The following LRATD1 variants were observed in gnomAD, a reference collection of about 807,000 sequenced individuals.
LRATD1 encodes protein LRATD1.
A neutral mutation model predicts 21.3 loss-of-function variants in LRATD1; 8 were observed. The observed-to-expected ratio is 0.38, with a 90% CI of 0.22 to 0.68. LRATD1 has a LOEUF of 0.68. Ranked by LOEUF, LRATD1 falls within the 30% of genes least tolerant of loss-of-function variation. The pLI is 0.54. For synonymous variants in LRATD1, 210 were observed against 186.2 expected, an observed-to-expected ratio of 1.13 and a Z score of -1.04; for missense variants, 380 against 404.0, an observed-to-expected ratio of 0.94 and a Z score of 0.51.
chr2:14,634,365 T>G lies in LRATD1; in HGVS notation c.386T>G (p.Leu129Arg), dbSNP rs1356905557. The G allele has an allele frequency of 3.8e-6, 6 of 1,573,374 alleles. No homozygotes were observed. The highest frequency in any genetic ancestry group is 5.2e-6 in the Non-Finnish European group (6 of 1,161,454). ...GAACCCGGCGACCTGCTGGAGCTGC[T>G]GTGGCTGCAGCCCGCGCCGGAGCCG... is the stretch of plus-strand genomic sequence containing the variant. ...LCEPGDLLELLWLQPAPEPPA... is the reference protein window; with the variant it reads ...LCEPGDLLELRWLQPAPEPPA... The change falls in exon 2 of 2, where the codon CTG becomes CGG. Residue 129 changes from leucine (L) to arginine (R), a missense_variant. Transcript: ENST00000295092.
In LRATD1 at chr2:14,638,471, G is replaced by GTC. The variant is rs1324765166; in HGVS notation, c.*3614_*3615insCT. On this transcript the variant is annotated 3_prime_UTR_variant, in exon 2 of 2. Transcript: ENST00000295092. ...TTCCCCTATGTTTAATTTTTCTGTG[G>GTC]TGAACACTTTTGTTAGAACATGGCT... The GTC allele has an allele frequency of 6.0e-6, 1 of 166,800 alleles. No individual in the cohort carries two copies. Among genetic ancestry groups the GTC allele is most frequent in the African/African-American group, 2.4e-5 (1 of 41,384 alleles). The allele number at this position is 166,800 out of a possible 1,614,324, so 10.3% of individuals were successfully genotyped here. A position where few individuals can be genotyped will look rare whatever the true frequency, so the allele number is the denominator to read the frequency against.
At position 14,635,015 on chromosome 2, in the gene LRATD1, C is replaced by A; in HGVS notation, c.*157C>A. ...GGGCCCGGGCTGCACCCCCGCATCC[C>A]CAAGCCAGCGGCAGGAAGTCTCAGG... On this transcript the variant is annotated 3_prime_UTR_variant, in exon 2 of 2. Transcript: ENST00000295092. The A allele has an allele frequency of 9.4e-7, 1 of 1,065,386 alleles. No homozygotes were observed. Among genetic ancestry groups the A allele is most frequent in the Non-Finnish European group, 1.4e-6 (1 of 718,350 alleles). 66.0% of individuals were successfully genotyped at this position (1,065,386 alleles called of 1,614,324 possible). A position where few individuals can be genotyped will look rare whatever the true frequency, so the allele number is the denominator to read the frequency against.
chr2:14,633,605 T>C lies in LRATD1; in HGVS notation c.-36-339T>C. Reference sequence around the variant, plus strand: ...TTTCAGCCCACCCCTCGGTCCTTCCTGGGTGTCCGTCTCCCACACTGCCAC... The same window carrying C: ...TTTCAGCCCACCCCTCGGTCCTTCCCGGGTGTCCGTCTCCCACACTGCCAC... On this transcript the variant is annotated intron_variant, in intron 1 of 1. Transcript: ENST00000295092. This position sits in a 1 kb window ranked among gnomAD's most constrained non-coding sequence, Gnocchi z 7.5. The C allele has an allele frequency of 4.3e-6, 1 of 232,984 alleles. No individual in the cohort carries two copies. Among genetic ancestry groups the C allele is most frequent in the Non-Finnish European group, 8.4e-6 (1 of 118,550 alleles). 14.4% of individuals were successfully genotyped at this position (232,984 alleles called of 1,614,324 possible).
At position 14,636,151 on chromosome 2, in the gene LRATD1, TTC is replaced by T. The variant is rs1407285471; in HGVS notation, c.*1295_*1296del. 5.7e-6 allele frequency: 1 copy of T among 174,822 alleles called. No individual in the cohort carries two copies. Among genetic ancestry groups the T allele is most frequent in the African/African-American group, 2.4e-5 (1 of 41,472 alleles). 10.8% of individuals were successfully genotyped at this position (174,822 alleles called of 1,614,324 possible). On this transcript the variant is annotated 3_prime_UTR_variant, in exon 2 of 2. Coordinates refer to ENST00000295092, the MANE Select transcript of LRATD1 (RefSeq NM_145175.4). ...CTATTTTTCTCAGATATTGTAAGCA[TTC>T]TGTTTTTCAATATTGTAGTTAATTT...
Position 14,634,966 on chromosome 2 carries a change from A to C in LRATD1, c.*108A>C. The C allele has an allele frequency of 7.2e-7, 1 of 1,391,142 alleles. No homozygotes were observed. The highest frequency in any genetic ancestry group is 9.7e-7 in the Non-Finnish European group (1 of 1,035,928). The allele number at this position is 1,391,142 out of a possible 1,614,324, so 86.2% of individuals were successfully genotyped here. A position where few individuals can be genotyped will look rare whatever the true frequency, so the allele number is the denominator to read the frequency against. On this transcript the variant is annotated 3_prime_UTR_variant, in exon 2 of 2. Coordinates refer to ENST00000295092, the MANE Select transcript of LRATD1 (RefSeq NM_145175.4). ...TTCTCAACCTCTGCCCCGCCCCGCC[A>C]CGCGCGTCCGCCGCCGGTGGCCCGG...
At chr2:14,645,347 C>A (rs10803752) in intron 2 of LRATD1, among the ~76,000 whole-genome samples, 5 of 152,080 alleles carry the variant, frequency 3.3e-5, no homozygotes, top group African/African-American at 1.2e-4. Flanking sequence ...ATAAGTTTGC[C>A]AAAATATCCA....
Position 14,633,208 on chromosome 2 carries a change from AGTGCACCTGCCTGTGAGGGCAG to A in LRATD1, c.-37+275_-37+296del, listed in dbSNP as rs1671595462. Among the ~76,000 whole-genome samples the A allele has an allele frequency of 1.3e-5, 2 of 152,156 alleles. No individual in the cohort carries two copies. The highest frequency in any genetic ancestry group is 4.1e-4 in the South Asian group (2 of 4,834). Reference sequence around the variant, plus strand: ...ACAAGGCAAGAGAAGTAAGGGGCAGAGTGCACCTGCCTGTGAGGGCAGGTGTGCCCGGGTGCTTGGGCGTACG... The same window carrying A: ...ACAAGGCAAGAGAAGTAAGGGGCAGAGTGTGCCCGGGTGCTTGGGCGTACG... On this transcript the variant is annotated intron_variant, in intron 1 of 1. Coordinates refer to ENST00000295092, the MANE Select transcript of LRATD1 (RefSeq NM_145175.4). This position sits in a 1 kb window ranked among gnomAD's most constrained non-coding sequence, Gnocchi z 7.5.
rs1671713285 is a variant in LRATD1 at position 14,637,480 on chromosome 2, G to A, written c.*2622G>A. 6.0e-6 allele frequency: 1 copy of A among 166,884 alleles called. No individual in the cohort carries two copies. Among genetic ancestry groups the A allele is most frequent in the African/African-American group, 2.4e-5 (1 of 41,426 alleles). 10.3% of individuals were successfully genotyped at this position (166,884 alleles called of 1,614,324 possible). A position where few individuals can be genotyped will look rare whatever the true frequency, so the allele number is the denominator to read the frequency against. On this transcript the variant is annotated 3_prime_UTR_variant, in exon 2 of 2. Coordinates refer to ENST00000295092, the MANE Select transcript of LRATD1 (RefSeq NM_145175.4). ...TAAATTAGCATTTGTTACTATATTG[G>A]CCTATAAAGGATCAGGTTGATGATA...
chr2:14,648,027 T>G lies in LRATD1; in HGVS notation n.437-1289T>G, dbSNP rs1213388674. Reference sequence around the variant, plus strand: ...TCCCAATGCTTACAGTTAACTTCTCTGCCCTTTCAACTGAAAACTCTATTG... The same window carrying G: ...TCCCAATGCTTACAGTTAACTTCTCGGCCCTTTCAACTGAAAACTCTATTG... On this transcript the variant is annotated intron_variant and non_coding_transcript_variant, in intron 4 of 5. Coordinates refer to the LRATD1 transcript ENST00000464947. Among the ~76,000 whole-genome samples the G allele has an allele frequency of 2.6e-5, 4 of 152,200 alleles. No homozygotes were observed. In the East Asian group the frequency reaches 7.7e-4, roughly 29 times the overall value.
Position 14,635,049 on chromosome 2 carries a change from C to A in LRATD1, c.*191C>A. On this transcript the variant is annotated 3_prime_UTR_variant, in exon 2 of 2. Transcript: ENST00000295092. The stretch of plus-strand genomic sequence containing the variant: ...CGGCAGGAAGTCTCAGGAACTGCCC[C>A]AGGGCCGAAAGGGCGCCGCTGCGAG... 1.1e-6 allele frequency: 1 copy of A among 883,140 alleles called. No individual in the cohort carries two copies. Among genetic ancestry groups the A allele is most frequent in the Non-Finnish European group, 1.8e-6 (1 of 544,788 alleles). The allele number at this position is 883,140 out of a possible 1,614,324, so 54.7% of individuals were successfully genotyped here.
In LRATD1 at chr2:14,633,684, T is replaced by C. The variant is rs1257324613; in HGVS notation, c.-36-260T>C. Reference sequence around the variant, plus strand: ...CCGCAAGCTCTCCAGCCAGCCTGGGTGTTTTCTTCTGGGAGTTGGACCGAG... The same window carrying C: ...CCGCAAGCTCTCCAGCCAGCCTGGGCGTTTTCTTCTGGGAGTTGGACCGAG... On this transcript the variant is annotated intron_variant, in intron 1 of 1. Coordinates refer to ENST00000295092, the MANE Select transcript of LRATD1 (RefSeq NM_145175.4). The surrounding 1 kb of genome is among the most constrained non-coding windows in gnomAD (Gnocchi z 7.5). 5.3e-6 allele frequency: 2 copies of C among 380,032 alleles called. No individual in the cohort carries two copies. Among genetic ancestry groups the C allele is most frequent in the Non-Finnish European group, 9.6e-6 (2 of 208,884 alleles). 23.5% of individuals were successfully genotyped at this position (380,032 alleles called of 1,614,324 possible). A position where few individuals can be genotyped will look rare whatever the true frequency, so the allele number is the denominator to read the frequency against.
At position 14,635,061 on chromosome 2, in the gene LRATD1, G is replaced by C; in HGVS notation, c.*203G>C. On this transcript the variant is annotated 3_prime_UTR_variant, in exon 2 of 2. Transcript: ENST00000295092. ...TCAGGAACTGCCCCAGGGCCGAAAG[G>C]GCGCCGCTGCGAGCGCCTGGCTGAC... is the stretch of plus-strand genomic sequence containing the variant. 1 of 812,336 alleles carries C rather than the reference G, an allele frequency of 1.2e-6. No homozygotes were observed. The highest frequency in any genetic ancestry group is 2.1e-6 in the Non-Finnish European group (1 of 480,504). 50.3% of individuals were successfully genotyped at this position (812,336 alleles called of 1,614,324 possible). A position where few individuals can be genotyped will look rare whatever the true frequency, so the allele number is the denominator to read the frequency against.
rs1671705586 is a variant in LRATD1 at position 14,637,110 on chromosome 2, C to A, written c.*2252C>A. 1 of 167,066 alleles carries A rather than the reference C, an allele frequency of 6.0e-6. No individual in the cohort carries two copies. The highest frequency in any genetic ancestry group is 2.4e-5 in the African/African-American group (1 of 41,456). 10.3% of individuals were successfully genotyped at this position (167,066 alleles called of 1,614,324 possible). A position where few individuals can be genotyped will look rare whatever the true frequency, so the allele number is the denominator to read the frequency against. ...CCTAACTTACTCCTCTTTCAAGTAA[C>A]AGGTGGCAGATCATAAAATGAATTC... is the stretch of plus-strand genomic sequence containing the variant. On this transcript the variant is annotated 3_prime_UTR_variant, in exon 2 of 2. Transcript: ENST00000295092.
Position 14,634,336 on chromosome 2 carries a change from C to G in LRATD1, c.357C>G (p.Leu119=). Residue 119 remains leucine, a synonymous_variant, in exon 2 of 2, where the codon CTC becomes CTG. Coordinates refer to ENST00000295092, the MANE Select transcript of LRATD1 (RefSeq NM_145175.4). ...SVYAVTALPA[L]CEPGDLLELL... The stretch of plus-strand genomic sequence containing the variant: ...ACGCGGTCACCGCGCTGCCAGCGCT[C>G]TGCGAACCCGGCGACCTGCTGGAGC... The G allele has an allele frequency of 1.3e-6, 2 of 1,588,922 alleles. No individual in the cohort carries two copies. Among genetic ancestry groups the G allele is most frequent in the Non-Finnish European group, 1.7e-6 (2 of 1,171,246 alleles).
At chr2:14,647,460 T>A (rs1441877222) in intron 4 of LRATD1, among the ~76,000 whole-genome samples, 1 of 152,110 alleles carries the variant, frequency 6.6e-6, no homozygotes, top group African/African-American at 2.4e-5. Context: ...AATGAATATA[T>A]GAACTACTTG....
chr2:14,648,044 A>ACTCTATTGCAAGGTTTAT (rs982291024), intron 4 of LRATD1, among the ~76,000 whole-genome samples: 3 of 151,512 alleles, frequency 2.0e-5, no homozygotes, highest in Non-Finnish European at 1.5e-5. Flanking sequence ...TCAACTGAAA[A>ACTCTATTGCAAGGTTTAT]CTCTATTGCA....
rs1671739269 is a variant in LRATD1, at chr2:14,638,409, A to G, written c.*3551A>G. On this transcript the variant is annotated 3_prime_UTR_variant, in exon 2 of 2. Coordinates refer to ENST00000295092, the MANE Select transcript of LRATD1 (RefSeq NM_145175.4). ...GAACATCAAGCACAGAAGCAGCTGT[A>G]TGATTTACCTGTTTTTTTGAAACTT... 6.0e-6 allele frequency: 1 copy of G among 166,962 alleles called. No individual in the cohort carries two copies. The highest frequency in any genetic ancestry group is 1.5e-5 in the Non-Finnish European group (1 of 68,080). 10.3% of individuals were successfully genotyped at this position (166,962 alleles called of 1,614,324 possible). A position where few individuals can be genotyped will look rare whatever the true frequency, so the allele number is the denominator to read the frequency against.
At chr2:14,650,717 C>T (rs535869372), downstream of LRATD1, 6 of 152,248 alleles carry the variant, frequency 3.9e-5, no homozygotes, top group Non-Finnish European at 7.4e-5. Context: ...ACTGGATATG[C>T]CATGGCTTAT....
Position 14,636,269 on chromosome 2 carries a change from TTTGGTGGAAA to T in LRATD1, c.*1425_*1434del, listed in dbSNP as rs1264987810. The T allele has an allele frequency of 4.2e-4, 70 of 167,334 alleles. No individual in the cohort carries two copies. The highest frequency in any genetic ancestry group is 1.7e-3 in the African/African-American group (69 of 41,598). 10.4% of individuals were successfully genotyped at this position (167,334 alleles called of 1,614,324 possible). A position where few individuals can be genotyped will look rare whatever the true frequency, so the allele number is the denominator to read the frequency against. On this transcript the variant is annotated 3_prime_UTR_variant, in exon 2 of 2. Coordinates refer to ENST00000295092, the MANE Select transcript of LRATD1 (RefSeq NM_145175.4). ...TTCTGTCAGTTAAGGGGTTCACTGC[TTTGGTGGAAA>T]TTGGTGGAAATTGCTAGCAGGTTCC...
Sources: allele counts gnomAD v4.1 joint callset (sites outside exome capture counted in the v4.1 genomes callset), GRCh38; gene constraint gnomAD v4.1.1; non-coding constraint Gnocchi (gnomAD v3.1); transcripts MANE v1.5; gene names NCBI Gene and HGNC (gene_info 2026-07-23, HGNC 2026-07-21).